MPP7: variants seen among roughly 807,000 people sequenced by gnomAD.
MPP7 encodes the protein MAGUK p55 subfamily member 7.
A neutral mutation model predicts 76.5 loss-of-function variants in MPP7; 60 were observed. That is an observed-to-expected ratio of 0.78 (90% confidence interval 0.64 to 0.97). The LOEUF (loss-of-function observed/expected upper bound fraction) is 0.97, where lower values mean the gene tolerates loss of function less well. Ranked by LOEUF, MPP7 falls within the 50% of genes least tolerant of loss-of-function variation. The pLI, the probability that MPP7 is intolerant of heterozygous loss-of-function variation, is 0.00. For missense variants in MPP7, 641 were observed against 694.0 expected, an observed-to-expected ratio of 0.92 and a Z score of 0.86; for synonymous variants, 237 against 244.5, an observed-to-expected ratio of 0.97 and a Z score of 0.29.
intron 1 of MPP7, among the ~76,000 whole-genome samples, chr10:28,260,690 C>T (rs993658777): frequency 6.9e-6 from 1 of 145,246 alleles, no homozygotes; most frequent in African/African-American, 2.6e-5. Flanking sequence ...GAGAATCGCT[C>T]GAACCTAGGA....
At chr10:28,246,370 T>C (rs1307369923) in intron 1 of MPP7, among the ~76,000 whole-genome samples, 3 of 151,232 alleles carry the variant, frequency 2.0e-5, no homozygotes, top group Non-Finnish European at 1.5e-5. Flanking sequence ...AAATGAAAAA[T>C]AAATTAATCC....
intron 12 of MPP7, among the ~76,000 whole-genome samples, chr10:28,073,874 A>C (rs778756466): frequency 2.0e-5 from 3 of 152,080 alleles, no homozygotes; most frequent in Non-Finnish European, 4.4e-5. Context: ...GCTGAGAGGA[A>C]TTCTGATCTA....
intron 10 of MPP7, 46 bp from the exon 11 acceptor site, chr10:28,119,761 C>T (rs904319497): frequency 5.5e-6 from 8 of 1,465,340 alleles, no homozygotes; most frequent in African/African-American, 1.4e-5. Context: ...CAGCACAGGT[C>T]CGAGGTGAAT....
At chr10:28,131,316 C>T (rs1176614700) in intron 6 of MPP7, among the ~76,000 whole-genome samples, 3 of 152,172 alleles carry the variant, frequency 2.0e-5, no homozygotes, top group Non-Finnish European at 2.9e-5. Flanking sequence ...GTACATGTTA[C>T]GCCTTCTTTC....
chr10:28,056,472 A>G lies in MPP7; in HGVS notation c.1551+8T>C, dbSNP rs759040651. The G allele has an allele frequency of 1.9e-6, 3 of 1,610,738 alleles. No homozygotes were observed. In the South Asian group the frequency reaches 3.3e-5, roughly 18 times the overall value. Reference sequence around the variant, plus strand: ...CCACACCTGGCCCCCAAGCATCATTATACTTACTGTGAAGGGTTTTGCAGC... The same window carrying G: ...CCACACCTGGCCCCCAAGCATCATTGTACTTACTGTGAAGGGTTTTGCAGC... On this transcript the variant is annotated splice_region_variant and intron_variant, in intron 16 of 16. Coordinates refer to ENST00000683449, the MANE Select transcript of MPP7 (RefSeq NM_001318170.2).
intron 1 of MPP7, among the ~76,000 whole-genome samples, chr10:28,249,607 C>T (rs1401668698): frequency 1.3e-5 from 2 of 152,118 alleles, no homozygotes; most frequent in South Asian, 2.1e-4. Context: ...GTCATATGTG[C>T]CCAGTCCCCT....
chr10:28,271,311 C>T (rs1399079252), intron 1 of MPP7, among the ~76,000 whole-genome samples: 3 of 152,108 alleles, frequency 2.0e-5, no homozygotes, highest in Non-Finnish European at 4.4e-5. Flanking sequence ...GCTGGGACAA[C>T]AGGATTTATA....
At chr10:28,247,544 T>C (rs1049329611) in intron 1 of MPP7, among the ~76,000 whole-genome samples, 3 of 152,224 alleles carry the variant, frequency 2.0e-5, no homozygotes, top group African/African-American at 7.2e-5. Flanking sequence ...AACAACTTTA[T>C]ATTAAGTTAG....
At chr10:28,258,881 T>C (rs996221266) in intron 1 of MPP7, among the ~76,000 whole-genome samples, 1 of 151,984 alleles carries the variant, frequency 6.6e-6, no homozygotes, top group Admixed American at 6.6e-5. Flanking sequence ...CTCCACACAG[T>C]GGAAAAACAG....
At chr10:28,263,114 A>G (rs1198536800) in intron 1 of MPP7, among the ~76,000 whole-genome samples, 2 of 152,214 alleles carry the variant, frequency 1.3e-5, no homozygotes, top group African/African-American at 2.4e-5. Flanking sequence ...TAATGAGTCT[A>G]CCTGCACTCA....
intron 11 of MPP7, among the ~76,000 whole-genome samples, chr10:28,108,392 T>C (rs781453005): frequency 6.6e-6 from 1 of 152,144 alleles, no homozygotes; most frequent in Non-Finnish European, 1.5e-5. Context: ...CAGTGGCTCA[T>C]GCCTATAATC....
At chr10:28,174,502 G>A (rs1364823375) in intron 3 of MPP7, among the ~76,000 whole-genome samples, 4 of 152,126 alleles carry the variant, frequency 2.6e-5, no homozygotes, top group Non-Finnish European at 4.4e-5. Context: ...AAGTGGAAGC[G>A]TCCTGAGACC....
chr10:28,250,804 T>C (rs188044121), intron 1 of MPP7, among the ~76,000 whole-genome samples: 1 of 152,172 alleles, frequency 6.6e-6, no homozygotes, highest in Non-Finnish European at 1.5e-5. Context: ...CTTCAAAATA[T>C]AGGTTTAATT....
At chr10:28,061,581 G>C (rs909353371) in intron 13 of MPP7, among the ~76,000 whole-genome samples, 5 of 151,998 alleles carry the variant, frequency 3.3e-5, no homozygotes, top group African/African-American at 1.2e-4. Context: ...AGGAGTACTA[G>C]AAGGAGAGGA....
At chr10:28,157,210 A>AGAAAG (rs1378962804) in intron 3 of MPP7, among the ~76,000 whole-genome samples, 1 of 152,152 alleles carries the variant, frequency 6.6e-6, no homozygotes, top group Non-Finnish European at 1.5e-5. Flanking sequence ...ACTTGGTCTC[A>AGAAAG]GAAAGGAAAG....
At chr10:28,230,301 A>G (rs1417972991) in intron 2 of MPP7, among the ~76,000 whole-genome samples, 1 of 152,122 alleles carries the variant, frequency 6.6e-6, no homozygotes, top group Non-Finnish European at 1.5e-5. Flanking sequence ...AACTGTATTG[A>G]AAATACTCTA....
chr10:28,197,503 C>T (rs988547639), intron 3 of MPP7, among the ~76,000 whole-genome samples: 1 of 152,074 alleles, frequency 6.6e-6, no homozygotes, highest in African/African-American at 2.4e-5. Flanking sequence ...AACTCCTATA[C>T]CGAATGCAGG....
Position 28,212,344 on chromosome 10 carries a change from T to C in MPP7, c.38-10073A>G, listed in dbSNP as rs143350100. Among the ~76,000 whole-genome samples, 100 of 152,248 alleles carry C rather than the reference T, an allele frequency of 6.6e-4. 1 individual carries two copies. The East Asian group carries it at 0.018, about 27-fold the overall frequency. On this transcript the variant is annotated intron_variant, in intron 2 of 16. Coordinates refer to ENST00000683449, the MANE Select transcript of MPP7 (RefSeq NM_001318170.2). ...GAAGAACTTAATATGAATTTCTGTCTGACTGAATGAGGGACATGGGGGAAA... is the reference window on the plus strand; with the variant it reads ...GAAGAACTTAATATGAATTTCTGTCCGACTGAATGAGGGACATGGGGGAAA...
chr10:28,147,568 A>G lies in MPP7; in HGVS notation c.235-5T>C, dbSNP rs765647741. On this transcript the variant is annotated splice_region_variant and splice_polypyrimidine_tract_variant and intron_variant, in intron 4 of 16. Transcript: ENST00000683449. The stretch of plus-strand genomic sequence containing the variant: ...GTTCTGAAGCTCTTCGGCCAGCTGC[A>G]ACGGAGATTACATTGACTTAAAGAA... 7 of 1,613,450 alleles carry G rather than the reference A, an allele frequency of 4.3e-6. No individual in the cohort carries two copies. The highest frequency in any genetic ancestry group is 5.9e-6 in the Non-Finnish European group (7 of 1,179,514).
Sources: gnomAD v4.1 joint callset for allele counts (sites outside exome capture counted in the v4.1 genomes callset) on GRCh38, gnomAD v4.1.1 for gene constraint, MANE v1.5 for transcripts, NCBI Gene and HGNC (gene_info 2026-07-23, HGNC 2026-07-21) for gene names.